The following NFIC variants were observed in gnomAD, a reference collection of about 807,000 sequenced individuals.
NFIC encodes the protein nuclear factor I C.
A neutral mutation model predicts 54.4 loss-of-function variants in NFIC; 12 were observed. That is an observed-to-expected ratio of 0.22 (90% CI 0.14 to 0.36). NFIC has a LOEUF of 0.36. Ranked by LOEUF, NFIC falls within the 10% of genes least tolerant of loss-of-function variation. NFIC has a pLI of 1.00. For synonymous variants in NFIC, 322 were observed against 319.2 expected, an observed-to-expected ratio of 1.01 and a Z score of -0.09; for missense variants, 575 against 718.2, an observed-to-expected ratio of 0.80 and a Z score of 2.28.
chr19:3,381,614 C>G, intron 1 of NFIC, 98 bp from the exon 2 acceptor site: 1 of 1,473,694 alleles, frequency 6.8e-7, no homozygotes, highest in Non-Finnish European at 9.0e-7. Context: ...CTCTGCGGGT[C>G]TGTTCAGGGC....
chr19:3,436,914 C>A (rs1343021327), intron 6 of NFIC, among the ~76,000 whole-genome samples: 1 of 152,148 alleles, frequency 6.6e-6, no homozygotes, highest in African/African-American at 2.4e-5. Flanking sequence ...CACTTAACTT[C>A]TCTAAGCCTC....
intron 1 of NFIC, among the ~76,000 whole-genome samples, chr19:3,361,363 A>G (rs1019699722): frequency 5.9e-5 from 9 of 152,020 alleles, no homozygotes; most frequent in Admixed American, 5.2e-4. Context: ...CTATTATCCT[A>G]TGCTGGGGAG....
rs917589953 is a variant in NFIC, at chr19:3,463,809, C to A, written c.*1040C>A. On this transcript the variant is annotated 3_prime_UTR_variant, in exon 11 of 11. Coordinates refer to ENST00000443272, the MANE Select transcript of NFIC (RefSeq NM_001245002.2). The stretch of plus-strand genomic sequence containing the variant: ...CTGGAGCGCCCCCGTCAGCCCCTGG[C>A]GGTGGGAGGTGAGAGCGAGTGGTTT... 2.7e-5 allele frequency: 27 copies of A among 985,104 alleles called. No homozygotes were observed. Among genetic ancestry groups the A allele is most frequent in the Non-Finnish European group, 3.1e-5 (26 of 829,860 alleles). 61.0% of individuals were successfully genotyped at this position (985,104 alleles called of 1,614,324 possible). A position where few individuals can be genotyped will look rare whatever the true frequency, so the allele number is the denominator to read the frequency against.
intron 1 of NFIC, among the ~76,000 whole-genome samples, chr19:3,361,262 C>T (rs1379990264): frequency 6.6e-6 from 1 of 152,164 alleles, no homozygotes; most frequent in Non-Finnish European, 1.5e-5. Context: ...CAGGGGTTCC[C>T]CCTCCCTGAG....
intron 1 of NFIC, among the ~76,000 whole-genome samples, chr19:3,378,344 C>T (rs1360317545): frequency 3.9e-5 from 6 of 152,090 alleles, no homozygotes; most frequent in Non-Finnish European, 7.3e-5. Context: ...GATCCACCCA[C>T]CTCAGCCTCC....
intron 10 of NFIC, among the ~76,000 whole-genome samples, chr19:3,457,312 A>AAGGC (rs1449931386): frequency 4.6e-5 from 7 of 152,284 alleles, no homozygotes; most frequent in South Asian, 2.1e-4. Context: ...CCACCCCTAG[A>AAGGC]AGGCAGGCAG....
At chr19:3,397,667 C>T (rs920414729) in intron 2 of NFIC, among the ~76,000 whole-genome samples, 36 of 122,594 alleles carry the variant, frequency 2.9e-4, no homozygotes, top group African/African-American at 8.4e-4. Flanking sequence ...GTGGGCTGCC[C>T]GGAGGTGGCG....
In NFIC at chr19:3,381,935, G is replaced by A. The variant is rs777893335; in HGVS notation, c.254G>A (p.Arg85Gln). 8 of 1,613,570 alleles carry A rather than the reference G, an allele frequency of 5.0e-6. 1 individual carries two copies. In the South Asian group the frequency reaches 6.6e-5, roughly 13 times the overall value. ...RLLAKLRKDI[R>Q]PECREDFVLS... ...CTGGCCAAGCTGCGCAAGGACATCC[G>A]GCCCGAGTGCCGCGAGGACTTCGTG... is the stretch of plus-strand genomic sequence containing the variant. Residue 85 changes from arginine to glutamine, a missense_variant, in exon 2 of 11, where the codon CGG becomes CAG. Coordinates refer to ENST00000443272, the MANE Select transcript of NFIC (RefSeq NM_001245002.2).
Position 3,444,877 on chromosome 19 carries a change from A to T in NFIC, c.959-4137A>T, listed in dbSNP as rs111988013. Among the ~76,000 whole-genome samples, 1,008 of 151,798 alleles carry T rather than the reference A, an allele frequency of 6.6e-3. 8 individuals are homozygous for T. Among genetic ancestry groups the T allele is most frequent in the Middle Eastern group, 0.051 (15 of 292 alleles). On this transcript the variant is annotated intron_variant, in intron 6 of 10. Coordinates refer to ENST00000443272, the MANE Select transcript of NFIC (RefSeq NM_001245002.2). Reference sequence around the variant, plus strand: ...CACGCACGTGCACAGGCGTGCACACATGTATGCATGCATGCTTGCAGACCT... The same window carrying T: ...CACGCACGTGCACAGGCGTGCACACTTGTATGCATGCATGCTTGCAGACCT...
chr19:3,455,671 G>A (rs1239072866), intron 9 of NFIC, among the ~76,000 whole-genome samples: 2 of 151,258 alleles, frequency 1.3e-5, no homozygotes, highest in Non-Finnish European at 2.9e-5. Flanking sequence ...CTTAATAGAT[G>A]CAGGATGCTG....
chr19:3,365,465 A>G (rs2145417311), upstream of NFIC, among the ~76,000 whole-genome samples: 1 of 152,240 alleles, frequency 6.6e-6, no homozygotes, highest in East Asian at 1.9e-4. Flanking sequence ...GCCTGGGAGG[A>G]TCCAGGGAGT....
Position 3,451,614 on chromosome 19 carries a change from A to G in NFIC, c.1085-868A>G, listed in dbSNP as rs561171364. On this transcript the variant is annotated intron_variant, in intron 7 of 10. Transcript: ENST00000443272. ...CCCCTGCACTCCAGCCTGGGTGACAAAGCGAGATTCTATCTCTTAAAAAAA... is the reference window on the plus strand; with the variant it reads ...CCCCTGCACTCCAGCCTGGGTGACAGAGCGAGATTCTATCTCTTAAAAAAA... 8.4e-3 allele frequency among the ~76,000 whole-genome samples: 1,243 copies of G among 147,820 alleles called. 22 individuals are homozygous for G. The highest frequency in any genetic ancestry group is 0.03 in the African/African-American group (1,174 of 39,330).
At chr19:3,392,067 CT>C (rs781703569) in intron 2 of NFIC, among the ~76,000 whole-genome samples, 732 of 101,298 alleles carry the variant, frequency 7.2e-3, no homozygotes, top group African/African-American at 0.017. Flanking sequence ...GATAATAGCT[CT>C]TTTTTTTTTT....
chr19:3,429,251 T>C lies in NFIC; in HGVS notation c.634+4074T>C, dbSNP rs61615541. 2.0e-3 allele frequency among the ~76,000 whole-genome samples: 56 copies of C among 27,466 alleles called. 3 individuals carry two copies. Among genetic ancestry groups the C allele is most frequent in the African/African-American group, 2.9e-3 (22 of 7,708 alleles). 18.0% of individuals were successfully genotyped at this position (27,466 alleles called of 152,430 possible). On this transcript the variant is annotated intron_variant, in intron 3 of 10. Coordinates refer to ENST00000443272, the MANE Select transcript of NFIC (RefSeq NM_001245002.2). ...TACCCCAAAAAAAAAAAAAAAAATA[T>C]ATACACACACACACACACACACACA...
chr19:3,443,014 A>G (rs1188884643), intron 6 of NFIC, among the ~76,000 whole-genome samples: 4 of 152,216 alleles, frequency 2.6e-5, no homozygotes. Flanking sequence ...AGCTCTTGAC[A>G]TGGAGTGGGT....
chr19:3,429,253 T>TACACACACAC (rs57948823), intron 3 of NFIC, among the ~76,000 whole-genome samples: 2,701 of 50,550 alleles, frequency 0.053, 281 homozygotes, highest in Non-Finnish European at 0.069. Flanking sequence ...AAAAAATATA[T>TACACACACAC]ACACACACAC....
chr19:3,385,064 C>T (rs1008098564), intron 2 of NFIC, among the ~76,000 whole-genome samples: 1 of 150,378 alleles, frequency 6.6e-6, no homozygotes, highest in Non-Finnish European at 1.5e-5. Flanking sequence ...GGCCTGTGCC[C>T]CAGGTCAGGT....
Position 3,381,783 on chromosome 19 carries a change from G to A in NFIC, c.102G>A (p.Leu34=), listed in dbSNP as rs765218990. ...VRAFAYTWFN[L]QARKRKYFKK... ...CCTTCGCCTACACCTGGTTCAACCT[G>A]CAGGCGCGGAAGCGCAAGTACTTCA... Residue 34 remains leucine (L), a synonymous_variant, in exon 2 of 11, where the codon CTG becomes CTA. Coordinates refer to ENST00000443272, the MANE Select transcript of NFIC (RefSeq NM_001245002.2). 6.2e-7 allele frequency: 1 copy of A among 1,613,950 alleles called. No homozygotes were observed. Among genetic ancestry groups the A allele is most frequent in the East Asian group, 2.2e-5 (1 of 44,876 alleles).
intron 10 of NFIC, 29 bp downstream of exon 10, chr19:3,456,664 TG>T: frequency 1.6e-6 from 1 of 634,194 alleles, no homozygotes; most frequent in Non-Finnish European, 2.6e-6. Flanking sequence ...GCTGGTGGGG[TG>T]GGAGGGGCAG....
Sources: gnomAD v4.1 joint callset for allele counts (sites outside exome capture counted in the v4.1 genomes callset) on GRCh38, gnomAD v4.1.1 for gene constraint, MANE v1.5 for transcripts, NCBI Gene and HGNC (gene_info 2026-07-23, HGNC 2026-07-21) for gene names.